The following ASIC2 variants were observed in gnomAD, a reference collection of about 807,000 sequenced individuals.
The protein encoded by ASIC2 is acid-sensing ion channel 2.
Under a neutral mutation model 57.3 loss-of-function variants are expected in ASIC2, and 25 were observed. That is an observed-to-expected ratio of 0.44 (90% CI 0.32 to 0.61). The LOEUF is 0.61. Among genes scored for constraint, ASIC2 ranks in the 20% least tolerant of loss-of-function variants. The pLI, the probability that ASIC2 is intolerant of heterozygous loss-of-function variation, is 0.06. For synonymous variants in ASIC2, 319 were observed against 307.5 expected (o/e 1.04, Z -0.39); for missense variants, 641 against 738.1 (o/e 0.87, Z 1.52).
intron 1 of ASIC2, among the ~76,000 whole-genome samples, chr17:34,154,760 C>T (rs192396863): frequency 6.6e-6 from 1 of 152,292 alleles, no homozygotes; most frequent in Non-Finnish European, 1.5e-5. Context: ...CTGCTATTCC[C>T]AACTTGCAAT....
chr17:33,311,885 A>G (rs1906439049), intron 1 of ASIC2, among the ~76,000 whole-genome samples: 1 of 152,098 alleles, frequency 6.6e-6, no homozygotes, highest in Non-Finnish European at 1.5e-5. Context: ...TGAGTTTCTC[A>G]GCAAATGGCT....
chr17:33,313,009 G>A (rs907017135), intron 1 of ASIC2, among the ~76,000 whole-genome samples: 1 of 152,190 alleles, frequency 6.6e-6, no homozygotes, highest in African/African-American at 2.4e-5. Context: ...TGAACAGTTA[G>A]CATAAGAGCA....
chr17:33,428,039 G>C (rs1342152161), intron 1 of ASIC2, among the ~76,000 whole-genome samples: 1 of 152,158 alleles, frequency 6.6e-6, no homozygotes, highest in Non-Finnish European at 1.5e-5. Flanking sequence ...CCATATGAAA[G>C]AACCTTGTGG....
At chr17:33,686,032 A>T (rs1309387566) in intron 1 of ASIC2, among the ~76,000 whole-genome samples, 1 of 152,094 alleles carries the variant, frequency 6.6e-6, no homozygotes, top group African/African-American at 2.4e-5. Context: ...CTGTTTCCCC[A>T]CTTGACGACA....
At chr17:34,020,367 C>G (rs569973897) in intron 1 of ASIC2, among the ~76,000 whole-genome samples, 1 of 152,282 alleles carries the variant, frequency 6.6e-6, no homozygotes, top group South Asian at 2.1e-4. Flanking sequence ...TCAGCTAGCC[C>G]TTGAGGGCCA....
chr17:33,943,707 A>G (rs1305323952), intron 1 of ASIC2, among the ~76,000 whole-genome samples: 1 of 151,884 alleles, frequency 6.6e-6, no homozygotes, highest in African/African-American at 2.4e-5. Context: ...AAAAAAAAAA[A>G]AAAAATGGAG....
chr17:33,537,040 C>A (rs1915255126), intron 1 of ASIC2, among the ~76,000 whole-genome samples: 1 of 152,188 alleles, frequency 6.6e-6, no homozygotes, highest in Non-Finnish European at 1.5e-5. Flanking sequence ...GTAAGTGACA[C>A]CACATCACTT....
intron 1 of ASIC2, among the ~76,000 whole-genome samples, chr17:34,147,475 A>C (rs947391624): frequency 6.6e-6 from 1 of 152,202 alleles, no homozygotes; most frequent in Non-Finnish European, 1.5e-5. Flanking sequence ...CACTTTGGGG[A>C]ATGCTGTCCT....
At chr17:34,089,002 G>A (rs559906540) in intron 1 of ASIC2, among the ~76,000 whole-genome samples, 53 of 152,314 alleles carry the variant, frequency 3.5e-4, no homozygotes, top group Non-Finnish European at 6.3e-4. Flanking sequence ...ATGAGGCAAT[G>A]CCTAGCCCTG....
chr17:33,132,512 A>G (rs1206041868), intron 1 of ASIC2, among the ~76,000 whole-genome samples: 2 of 152,208 alleles, frequency 1.3e-5, no homozygotes, highest in African/African-American at 2.4e-5. Flanking sequence ...GTCTGCACAC[A>G]GTAGGCATTC....
intron 1 of ASIC2, among the ~76,000 whole-genome samples, chr17:33,348,220 T>A (rs1246739500): frequency 6.6e-6 from 1 of 152,022 alleles, no homozygotes; most frequent in Non-Finnish European, 1.5e-5. Context: ...GATAGAAATA[T>A]TAGGACCCAA....
At chr17:33,963,630 T>G (rs765596320) in intron 1 of ASIC2, among the ~76,000 whole-genome samples, 7 of 151,608 alleles carry the variant, frequency 4.6e-5, no homozygotes, top group Non-Finnish European at 8.8e-5. Context: ...ATTATGTATA[T>G]TCCATATAAT....
chr17:33,483,395 G>A (rs1462686872), intron 1 of ASIC2, among the ~76,000 whole-genome samples: 1 of 152,254 alleles, frequency 6.6e-6, no homozygotes, highest in African/African-American at 2.4e-5. Flanking sequence ...GGTGGTCTTA[G>A]CAAGTGGGCT....
rs563908965 is a variant in ASIC2 at position 33,170,649 on chromosome 17, A to G, written c.709-58582T>C. Reference sequence around the variant, plus strand: ...GAAGCCCTGTGCTTCCCAGACTTCAAAAACAAAAGGAAGGGCAAGAAGGGC... The same window carrying G: ...GAAGCCCTGTGCTTCCCAGACTTCAGAAACAAAAGGAAGGGCAAGAAGGGC... On this transcript the variant is annotated intron_variant, in intron 1 of 9. Coordinates refer to ENST00000225823, the MANE Select transcript of ASIC2 (RefSeq NM_183377.2). Among the ~76,000 whole-genome samples the G allele has an allele frequency of 2.4e-4, 37 of 152,316 alleles. No homozygotes were observed. The South Asian group carries it at 3.7e-3, about 15-fold the overall frequency.
intron 1 of ASIC2, chr17:33,793,325 T>C (rs1911824306): frequency 6.6e-6 from 1 of 152,260 alleles, no homozygotes; most frequent in African/African-American, 2.4e-5. Context: ...TTTTATCTTA[T>C]CCTCACAATA....
At chr17:34,117,132 A>G (rs1911449932) in intron 1 of ASIC2, among the ~76,000 whole-genome samples, 1 of 152,072 alleles carries the variant, frequency 6.6e-6, no homozygotes, top group Non-Finnish European at 1.5e-5. Context: ...TCAATTCATC[A>G]ATCTGTCAGG....
chr17:34,089,058 T>A (rs796278172), intron 1 of ASIC2, among the ~76,000 whole-genome samples: 4 of 152,202 alleles, frequency 2.6e-5, no homozygotes, highest in African/African-American at 2.4e-5. Context: ...CTGCGCCCAC[T>A]GTCTGGCACT....
intron 3 of ASIC2, among the ~76,000 whole-genome samples, chr17:33,029,887 A>C (rs1195471753): frequency 6.6e-6 from 1 of 152,224 alleles, no homozygotes; most frequent in African/African-American, 2.4e-5. Context: ...GATTTTGAGC[A>C]CAATTTTATG....
At chr17:33,309,986 A>G (rs1050520582) in intron 1 of ASIC2, among the ~76,000 whole-genome samples, 1 of 149,740 alleles carries the variant, frequency 6.7e-6, no homozygotes, top group African/African-American at 2.5e-5. Context: ...TTTATCAGTC[A>G]AAAATGGTTT....
Sources: allele counts gnomAD v4.1 joint callset (sites outside exome capture counted in the v4.1 genomes callset), GRCh38; gene constraint gnomAD v4.1.1; transcripts MANE v1.5; gene names NCBI Gene and HGNC (gene_info 2026-07-23, HGNC 2026-07-21).